Variants in XKR6 observed in about 807,000 individuals in gnomAD.
XKR6 encodes the protein XK related 6, also known as XK-related protein 6.
A neutral mutation model predicts 56.7 loss-of-function variants in XKR6; 22 were observed. The ratio of observed to expected loss-of-function variants is 0.39; its 90% CI spans 0.28 to 0.55. The LOEUF (loss-of-function observed/expected upper bound fraction) is 0.55, where lower values mean the gene tolerates loss of function less well. Ranked by LOEUF, XKR6 falls within the 20% of genes least tolerant of loss-of-function variation. The pLI is 0.66. For synonymous variants in XKR6, 524 were observed against 387.8 expected (o/e 1.35, Z -4.13); for missense variants, 852 against 889.0 (o/e 0.96, Z 0.53).
At chr8:11,126,902 A>C (rs1395636810) in intron 1 of XKR6, among the ~76,000 whole-genome samples, 1 of 152,200 alleles carries the variant, frequency 6.6e-6, no homozygotes, top group African/African-American at 2.4e-5. Flanking sequence ...TGATGAAATC[A>C]TTGGCTCAGT....
chr8:11,073,853 G>A (rs938628361), intron 1 of XKR6, among the ~76,000 whole-genome samples: 1 of 152,124 alleles, frequency 6.6e-6, no homozygotes, highest in Admixed American at 6.6e-5. Context: ...CCTTGAGGCC[G>A]ACTATTCAAT....
intron 1 of XKR6, among the ~76,000 whole-genome samples, chr8:10,946,368 C>T (rs1279552259): frequency 1.3e-4 from 20 of 152,092 alleles, no homozygotes; most frequent in Admixed American, 1.3e-3. Flanking sequence ...CTTGAGCAGG[C>T]CGCAGAGCCC....
chr8:11,116,103 A>T lies in XKR6; in HGVS notation c.764+84473T>A, dbSNP rs997431245. On this transcript the variant is annotated intron_variant, in intron 1 of 2. Coordinates refer to ENST00000416569, the MANE Select transcript of XKR6 (RefSeq NM_173683.4). Reference sequence around the variant, plus strand: ...CACGGATGTTCGTAAGATGATTCTTAAGTTTTAGATTTTGCTGCATTCAAA... The same window carrying T: ...CACGGATGTTCGTAAGATGATTCTTTAGTTTTAGATTTTGCTGCATTCAAA... 3.9e-5 allele frequency among the ~76,000 whole-genome samples: 6 copies of T among 152,210 alleles called. No individual in the cohort carries two copies. In the South Asian group the frequency reaches 1.2e-3, roughly 31 times the overall value.
At chr8:10,977,290 A>G (rs2129136039) in intron 1 of XKR6, among the ~76,000 whole-genome samples, 1 of 152,140 alleles carries the variant, frequency 6.6e-6, no homozygotes, top group South Asian at 2.1e-4. Context: ...CCTAGAACCC[A>G]TGCCTCAAGG....
At chr8:11,020,508 C>T (rs1434138620) in intron 1 of XKR6, among the ~76,000 whole-genome samples, 2 of 152,152 alleles carry the variant, frequency 1.3e-5, no homozygotes, top group African/African-American at 4.8e-5. Context: ...AAGAACCCAT[C>T]GAGGAAAGAA....
At chr8:11,166,173 C>T (rs1167706428) in intron 1 of XKR6, among the ~76,000 whole-genome samples, 1 of 152,046 alleles carries the variant, frequency 6.6e-6, no homozygotes, top group African/African-American at 2.4e-5. Context: ...GCCAGCCATA[C>T]TATTCACTGA....
chr8:11,112,678 T>C (rs1476601156), intron 1 of XKR6, among the ~76,000 whole-genome samples: 1 of 152,088 alleles, frequency 6.6e-6, no homozygotes, highest in Non-Finnish European at 1.5e-5. Context: ...TGCACACTGG[T>C]TTTTCTTTAA....
At chr8:10,943,026 T>A (rs1015518741) in intron 1 of XKR6, among the ~76,000 whole-genome samples, 3 of 152,178 alleles carry the variant, frequency 2.0e-5, no homozygotes, top group Admixed American at 6.5e-5. Context: ...CAGGAAGGCT[T>A]CAGGACCATA....
At chr8:11,037,277 G>A (rs1799170401) in intron 1 of XKR6, among the ~76,000 whole-genome samples, 1 of 152,186 alleles carries the variant, frequency 6.6e-6, no homozygotes, top group Non-Finnish European at 1.5e-5. Flanking sequence ...CCAGGCTGGA[G>A]TGTGGTGGTA....
At chr8:11,013,801 TC>T (rs1563346064) in intron 1 of XKR6, among the ~76,000 whole-genome samples, 1 of 152,220 alleles carries the variant, frequency 6.6e-6, no homozygotes, top group African/African-American at 2.4e-5. Context: ...TCAGCAGGGT[TC>T]CTTACACAGA....
At chr8:11,178,339 A>G (rs1756968737) in intron 1 of XKR6, among the ~76,000 whole-genome samples, 1 of 151,960 alleles carries the variant, frequency 6.6e-6, no homozygotes, top group Non-Finnish European at 1.5e-5. Flanking sequence ...CAAAAAACAT[A>G]AGGTATTAAA....
At position 10,940,985 on chromosome 8, in the gene XKR6, T is replaced by G. The variant is rs538241291; in HGVS notation, c.765-16155A>C. Among the ~76,000 whole-genome samples, 125 of 152,308 alleles carry G rather than the reference T, an allele frequency of 8.2e-4. 1 individual carries two copies. Among genetic ancestry groups the G allele is most frequent in the African/African-American group, 2.8e-3 (118 of 41,578 alleles). ...CACGCAGGGACATAGCTCTGGTCCC[T>G]GTAGCCACAGTGACTCGGCCACCGG... On this transcript the variant is annotated intron_variant, in intron 1 of 2. Coordinates refer to ENST00000416569, the MANE Select transcript of XKR6 (RefSeq NM_173683.4).
At chr8:10,943,846 C>A (rs1298302798) in intron 1 of XKR6, among the ~76,000 whole-genome samples, 1 of 152,088 alleles carries the variant, frequency 6.6e-6, no homozygotes, top group Non-Finnish European at 1.5e-5. Flanking sequence ...TGTCCACATC[C>A]CTACGAATGA....
chr8:11,195,600 T>G (rs962545847), intron 1 of XKR6, among the ~76,000 whole-genome samples: 1 of 152,172 alleles, frequency 6.6e-6, no homozygotes, highest in Non-Finnish European at 1.5e-5. Flanking sequence ...ATTTATACTT[T>G]TCTTAGATCA....
intron 1 of XKR6, among the ~76,000 whole-genome samples, chr8:11,146,070 G>A (rs1294851408): frequency 6.6e-6 from 1 of 151,788 alleles, no homozygotes; most frequent in Non-Finnish European, 1.5e-5. Flanking sequence ...AAGGGGCAAG[G>A]GCAATTCAGT....
chr8:11,150,351 T>C (rs770580783), intron 1 of XKR6, among the ~76,000 whole-genome samples: 7 of 152,216 alleles, frequency 4.6e-5, no homozygotes, highest in Non-Finnish European at 8.8e-5. Context: ...CCCATGAATA[T>C]GTAAAATATC....
intron 2 of XKR6, among the ~76,000 whole-genome samples, chr8:10,907,465 A>G (rs1772270236): frequency 6.6e-6 from 1 of 152,232 alleles, no homozygotes; most frequent in South Asian, 2.1e-4. Context: ...GGCACTGCAC[A>G]TAACTCAATT....
At chr8:11,067,983 T>C (rs1475216653) in intron 1 of XKR6, among the ~76,000 whole-genome samples, 1 of 152,254 alleles carries the variant, frequency 6.6e-6, no homozygotes, top group Non-Finnish European at 1.5e-5. Context: ...TGGTTGCTGT[T>C]GCTCGTCCAC....
chr8:11,012,097 C>T (rs1366480400), intron 1 of XKR6, among the ~76,000 whole-genome samples: 3 of 152,204 alleles, frequency 2.0e-5, no homozygotes, highest in Non-Finnish European at 4.4e-5. Context: ...CTCGCAGTCC[C>T]CATCTAAGCA....
Sources: allele counts gnomAD v4.1 joint callset (sites outside exome capture counted in the v4.1 genomes callset), GRCh38; gene constraint gnomAD v4.1.1; transcripts MANE v1.5; gene names NCBI Gene and HGNC (gene_info 2026-07-23, HGNC 2026-07-21).